Variants in ZZZ3 observed in about 807,000 individuals in gnomAD.
The protein encoded by ZZZ3 is zinc finger ZZ-type containing 3, also known as ZZ-type zinc finger-containing protein 3.
ZZZ3 carries 22 observed loss-of-function variants against 95.2 expected under a neutral mutation model. The observed-to-expected ratio is 0.23, with a 90% confidence interval of 0.17 to 0.33. ZZZ3 has a LOEUF of 0.33. ZZZ3 is among the 10% of genes least tolerant of loss of function. The pLI is 1.00. For synonymous variants in ZZZ3, 335 were observed against 358.9 expected (o/e 0.93, Z 0.75); for missense variants, 885 against 1,066.5 (o/e 0.83, Z 2.37).
intron 1 of ZZZ3, among the ~76,000 whole-genome samples, chr1:77,680,747 TA>T (rs1338139859): frequency 6.6e-6 from 1 of 152,206 alleles, no homozygotes; most frequent in Non-Finnish European, 1.5e-5. Flanking sequence ...GATAAACTTT[TA>T]AAACGTCTGA....
In ZZZ3 at chr1:77,664,548, A is replaced by G. The variant is rs1671094111; in HGVS notation, c.-403+18037T>C. On this transcript the variant is annotated intron_variant, in intron 1 of 14. Transcript: ENST00000370801. ...CTTAACATTAATTGAACAAAATTTT[A>G]CTCATGTAATTTTTTCTATCTGAAT... 3.3e-5 allele frequency among the ~76,000 whole-genome samples: 5 copies of G among 152,126 alleles called. No homozygotes were observed. The South Asian group carries it at 1.0e-3, about 31-fold the overall frequency.
intron 5 of ZZZ3, among the ~76,000 whole-genome samples, chr1:77,619,497 C>T (rs1285926067): frequency 6.6e-6 from 1 of 152,116 alleles, no homozygotes; most frequent in Non-Finnish European, 1.5e-5. Context: ...GTAAAGACAA[C>T]CACAATCAAA....
At chr1:77,590,354 T>A (rs1390231984) in intron 5 of ZZZ3, among the ~76,000 whole-genome samples, 1 of 152,172 alleles carries the variant, frequency 6.6e-6, no homozygotes, top group Non-Finnish European at 1.5e-5. Flanking sequence ...CCAGCCTGGG[T>A]GACAGAGCAA....
chr1:77,634,053 C>T (rs1026069190), intron 4 of ZZZ3, among the ~76,000 whole-genome samples: 41 of 151,982 alleles, frequency 2.7e-4, no homozygotes, highest in Middle Eastern at 3.4e-3. Context: ...GCCTGTAATC[C>T]CAGATACTCA....
At chr1:77,592,553 C>T (rs930628197) in intron 5 of ZZZ3, among the ~76,000 whole-genome samples, 2 of 152,050 alleles carry the variant, frequency 1.3e-5, no homozygotes, top group South Asian at 2.1e-4. Context: ...CTGCCCACCC[C>T]GGCCTCCCAA....
At chr1:77,586,009 A>G (rs1177620336) in intron 5 of ZZZ3, among the ~76,000 whole-genome samples, 1 of 152,228 alleles carries the variant, frequency 6.6e-6, no homozygotes, top group Non-Finnish European at 1.5e-5. Context: ...ATTTAAAACT[A>G]GAACTATGAG....
chr1:77,603,957 A>G (rs1664984953), intron 5 of ZZZ3, among the ~76,000 whole-genome samples: 2 of 152,122 alleles, frequency 1.3e-5, no homozygotes, highest in Admixed American at 6.6e-5. Flanking sequence ...TGATGCTTGG[A>G]TTTTGAGACT....
chr1:77,593,298 A>C (rs553897114), intron 5 of ZZZ3, among the ~76,000 whole-genome samples: 1 of 152,232 alleles, frequency 6.6e-6, no homozygotes, highest in Non-Finnish European at 1.5e-5. Flanking sequence ...TATACACAGT[A>C]TAAGACATAT....
Position 77,584,540 on chromosome 1 carries a change from A to G in ZZZ3, c.1621T>C (p.Phe541Leu). The G allele has an allele frequency of 1.2e-6, 2 of 1,611,932 alleles. No homozygotes were observed. Among genetic ancestry groups the G allele is most frequent in the Non-Finnish European group, 1.7e-6 (2 of 1,179,414 alleles). ...QREALKNPIGFVEKLQKKADI... is the reference protein window; with the variant it reads ...QREALKNPIGLVEKLQKKADI... ...ACCTTCTTCTGGAGTTTTTCCACAAATCCAATGGGATTTTTCAGTGCTTCT... is the reference window on the plus strand; with the variant it reads ...ACCTTCTTCTGGAGTTTTTCCACAAGTCCAATGGGATTTTTCAGTGCTTCT... Residue 541 changes from phenylalanine to leucine, a missense_variant, in exon 6 of 15, where the codon TTT becomes CTT. Physicochemically the swap from Phe to Leu is conservative, Grantham distance 22. This residue lies in a region of ZZZ3 where 556 missense variants were observed against 652.9 expected (regional missense o/e 0.85). Coordinates refer to ENST00000370801, the MANE Select transcript of ZZZ3 (RefSeq NM_015534.6).
At chr1:77,681,639 C>A (rs1018913828) in intron 1 of ZZZ3, among the ~76,000 whole-genome samples, 1 of 152,112 alleles carries the variant, frequency 6.6e-6, no homozygotes, top group Non-Finnish European at 1.5e-5. Flanking sequence ...GTGCTGAAAT[C>A]CCAGCACTTT....
intron 11 of ZZZ3, among the ~76,000 whole-genome samples, chr1:77,576,548 A>G (rs1353483748): frequency 1.3e-5 from 2 of 152,212 alleles, no homozygotes. Context: ...ATCATCTTAT[A>G]GAAGATCAGA....
At chr1:77,601,824 G>A (rs563797480) in intron 5 of ZZZ3, among the ~76,000 whole-genome samples, 1 of 152,188 alleles carries the variant, frequency 6.6e-6, no homozygotes, top group Admixed American at 6.5e-5. Context: ...ACTTCAAGAA[G>A]GTTAACTAAC....
At chr1:77,668,889 C>T (rs1671484999) in intron 1 of ZZZ3, among the ~76,000 whole-genome samples, 1 of 151,984 alleles carries the variant, frequency 6.6e-6, no homozygotes, top group Non-Finnish European at 1.5e-5. Context: ...GATTAAACTA[C>T]CAGCAAAAAC....
At chr1:77,568,764 C>A (rs919286061) in intron 12 of ZZZ3, among the ~76,000 whole-genome samples, 1 of 151,934 alleles carries the variant, frequency 6.6e-6, no homozygotes. Context: ...CAAACCCAAT[C>A]CCATCTTTAT....
chr1:77,665,948 G>A (rs1017379215), intron 1 of ZZZ3, among the ~76,000 whole-genome samples: 2 of 152,182 alleles, frequency 1.3e-5, no homozygotes, highest in East Asian at 3.8e-4. Context: ...GGCTGAGGCA[G>A]GAGAATCGCT....
intron 1 of ZZZ3, among the ~76,000 whole-genome samples, chr1:77,642,723 A>G (rs1475562660): frequency 6.6e-6 from 1 of 152,220 alleles, no homozygotes; most frequent in Non-Finnish European, 1.5e-5. Flanking sequence ...ACTGCACTAC[A>G]GCCCAGGCAA....
intron 12 of ZZZ3, among the ~76,000 whole-genome samples, chr1:77,575,658 T>C (rs1272304980): frequency 1.3e-5 from 2 of 152,130 alleles, no homozygotes; most frequent in Non-Finnish European, 2.9e-5. Context: ...AATGAACCTA[T>C]TGTGATTTAT....
At chr1:77,683,023 A>C (rs2101115151), upstream of ZZZ3, among the ~76,000 whole-genome samples, 3 of 151,120 alleles carry the variant, frequency 2.0e-5, no homozygotes, top group South Asian at 2.1e-4. Flanking sequence ...GCCCTCCCAA[A>C]AGCCCTCCCC....
rs746128281 is a variant in ZZZ3, at chr1:77,632,034, A to G, written c.1321T>C (p.Cys441Arg). The G allele has an allele frequency of 1.9e-6, 3 of 1,614,122 alleles. No homozygotes were observed. In the South Asian group the frequency reaches 3.3e-5, roughly 18 times the overall value. The change falls in exon 5 of 15, where the codon TGT becomes CGT. Residue 441 changes from cysteine (C) to arginine (R), a missense_variant. Physicochemically the swap from Cys to Arg is radical, Grantham distance 180. This residue lies in a region of ZZZ3 where 556 missense variants were observed against 652.9 expected (regional missense o/e 0.85). Transcript: ENST00000370801. The part of the protein sequence containing the change: ...GEISQNEKGI[C>R]CDSQNNGSEG... ...CTTCCATTATTTTGAGAGTCACAAC[A>G]TATCCCTTTTTCATTTTGAGAAATT... is the stretch of plus-strand genomic sequence containing the variant.
Sources: gnomAD v4.1 joint callset for allele counts (sites outside exome capture counted in the v4.1 genomes callset) on GRCh38, gnomAD v4.1.1 for gene constraint, gnomAD v4.1.1 regional missense constraint, MANE v1.5 for transcripts, NCBI Gene and HGNC (gene_info 2026-07-23, HGNC 2026-07-21) for gene names.